DAB1: variants seen among roughly 807,000 people sequenced by gnomAD.
DAB1 encodes the protein DAB adaptor protein 1.
In DAB1, 15 loss-of-function variants were observed where a neutral mutation model predicts 64.6. That is an observed-to-expected ratio of 0.23 (90% CI 0.16 to 0.36). The LOEUF (loss-of-function observed/expected upper bound fraction) is 0.36. Among genes scored for constraint, DAB1 ranks in the 10% least tolerant of loss-of-function variants. The probability of loss-of-function intolerance (pLI) is 1.00; values close to 1 mark genes in which losing one functional copy is unlikely to be tolerated. For missense variants in DAB1, 596 were observed against 706.7 expected (o/e 0.84, Z 1.78); for synonymous variants, 235 against 251.9 (o/e 0.93, Z 0.64).
intron 4 of DAB1, among the ~76,000 whole-genome samples, chr1:58,320,170 T>A (rs1662649425): frequency 6.6e-6 from 1 of 152,166 alleles, no homozygotes; most frequent in African/African-American, 2.4e-5. Context: ...TAACATGGCA[T>A]GAAATGTGCC....
intron 6 of DAB1, among the ~76,000 whole-genome samples, chr1:57,753,585 A>C (rs551746203): frequency 6.6e-6 from 1 of 152,290 alleles, no homozygotes; most frequent in East Asian, 1.9e-4. Context: ...AATAACAAAA[A>C]GGTGTTAGGT....
chr1:57,125,096 G>C (rs562292416), intron 4 of DAB1, among the ~76,000 whole-genome samples: 10 of 152,284 alleles, frequency 6.6e-5, no homozygotes, highest in African/African-American at 2.2e-4. Context: ...ACAACCCCAA[G>C]CTCATCTCTC....
At position 58,459,576 on chromosome 1, in the gene DAB1, G is replaced by A. The variant is rs935268588; in HGVS notation, n.257+46484C>T. ...GGCCCAAAGGAGAAAGAAAGAAAAA[G>A]AGAGGGAACAAAAATAAGAGTGCAG... On this transcript the variant is annotated intron_variant and non_coding_transcript_variant, in intron 3 of 20. Coordinates refer to the DAB1 transcript ENST00000485760. Among the ~76,000 whole-genome samples the A allele has an allele frequency of 3.9e-5, 6 of 152,358 alleles. No homozygotes were observed. The East Asian group carries it at 1.2e-3, about 29-fold the overall frequency.
intron 3 of DAB1, among the ~76,000 whole-genome samples, chr1:58,446,191 G>A (rs965399048): frequency 1.3e-5 from 2 of 152,144 alleles, no homozygotes; most frequent in African/African-American, 4.8e-5. Context: ...ATTTCGTCTT[G>A]TGCACTAGAT....
chr1:57,834,977 CA>C (rs1390933573), intron 1 of DAB1, among the ~76,000 whole-genome samples: 1 of 152,010 alleles, frequency 6.6e-6, no homozygotes, highest in Non-Finnish European at 1.5e-5. Flanking sequence ...GTTCTCCATA[CA>C]GAGAGTTTAA....
chr1:57,606,839 G>C (rs985394413), intron 7 of DAB1, among the ~76,000 whole-genome samples: 6 of 148,192 alleles, frequency 4.0e-5, no homozygotes, highest in Admixed American at 1.4e-4. Flanking sequence ...GCCCAGGCTA[G>C]AGTGCAATGG....
At chr1:58,075,993 T>C (rs1434445925) in intron 5 of DAB1, among the ~76,000 whole-genome samples, 3 of 152,114 alleles carry the variant, frequency 2.0e-5, no homozygotes, top group African/African-American at 7.2e-5. Context: ...CATTTCCAAA[T>C]TTCTAGAGAA....
intron 7 of DAB1, among the ~76,000 whole-genome samples, chr1:57,587,491 G>T (rs1294066532): frequency 6.6e-6 from 1 of 152,022 alleles, no homozygotes; most frequent in Non-Finnish European, 1.5e-5. Flanking sequence ...TATTTTCCAG[G>T]TCACACAGTT....
intron 9 of DAB1, among the ~76,000 whole-genome samples, chr1:57,060,310 C>T (rs1167852510): frequency 6.6e-6 from 1 of 151,926 alleles, no homozygotes; most frequent in East Asian, 1.9e-4. Flanking sequence ...CTCACCATGC[C>T]CGGCTAATGT....
chr1:57,560,029 C>T (rs537982319), intron 7 of DAB1, among the ~76,000 whole-genome samples: 9 of 152,348 alleles, frequency 5.9e-5, no homozygotes, highest in Non-Finnish European at 8.8e-5. Flanking sequence ...CCAATTGCAA[C>T]TGCTGTACCA....
intron 1 of DAB1, among the ~76,000 whole-genome samples, chr1:57,852,645 A>G (rs1653582417): frequency 6.6e-6 from 1 of 152,096 alleles, no homozygotes; most frequent in Non-Finnish European, 1.5e-5. Context: ...TGATAAGCCC[A>G]GGAATCCAGG....
intron 3 of DAB1, among the ~76,000 whole-genome samples, chr1:58,413,028 C>A (rs889774328): frequency 6.6e-6 from 1 of 152,200 alleles, no homozygotes; most frequent in Non-Finnish European, 1.5e-5. Flanking sequence ...AAAGACATCT[C>A]TGAGAGTAAT....
chr1:57,262,564 C>T (rs1670261726), intron 2 of DAB1, among the ~76,000 whole-genome samples: 1 of 152,178 alleles, frequency 6.6e-6, no homozygotes, highest in Middle Eastern at 3.2e-3. Flanking sequence ...TGACAAGTCC[C>T]CAAAGTCAGT....
intron 4 of DAB1, among the ~76,000 whole-genome samples, chr1:58,243,481 G>A (rs1660392434): frequency 6.6e-6 from 1 of 152,070 alleles, no homozygotes; most frequent in Non-Finnish European, 1.5e-5. Flanking sequence ...TGATGTCACT[G>A]TTTCTCTTGT....
intron 5 of DAB1, among the ~76,000 whole-genome samples, chr1:58,149,879 T>G (rs1257309705): frequency 6.6e-6 from 1 of 151,910 alleles, no homozygotes; most frequent in African/African-American, 2.4e-5. Flanking sequence ...ATAAAAGAAA[T>G]AGAAAAAAAA....
intron 6 of DAB1, among the ~76,000 whole-genome samples, chr1:57,675,589 C>G (rs775124788): frequency 6.6e-6 from 1 of 152,056 alleles, no homozygotes; most frequent in South Asian, 2.1e-4. Flanking sequence ...TGAGCAGAAG[C>G]GAAATGAAGC....
chr1:58,150,856 C>T (rs1460176577), intron 4 of DAB1, among the ~76,000 whole-genome samples: 3 of 152,072 alleles, frequency 2.0e-5, no homozygotes, highest in African/African-American at 4.8e-5. Flanking sequence ...CCTCACCCCA[C>T]GACAAGCCCT....
upstream of DAB1, among the ~76,000 whole-genome samples, chr1:57,425,371 T>C (rs1337787779): frequency 2.0e-5 from 3 of 152,124 alleles, no homozygotes; most frequent in Admixed American, 2.0e-4. Flanking sequence ...TTTTTTCTCG[T>C]AGCTTCTGAC....
intron 1 of DAB1, among the ~76,000 whole-genome samples, chr1:57,293,278 A>G (rs1672928287): frequency 6.6e-6 from 1 of 152,140 alleles, no homozygotes; most frequent in Non-Finnish European, 1.5e-5. Flanking sequence ...ACAGGCAGAA[A>G]GATGTTCTGA....
Sources: gnomAD v4.1 joint callset for allele counts (sites outside exome capture counted in the v4.1 genomes callset) on GRCh38, gnomAD v4.1.1 for gene constraint, MANE v1.5 for transcripts, NCBI Gene and HGNC (gene_info 2026-07-23, HGNC 2026-07-21) for gene names.